The following EYS variants were observed in gnomAD, a reference collection of about 807,000 sequenced individuals.
EYS encodes the protein EGF-like photoreceptor maintenance factor.
EYS carries 250 observed loss-of-function variants against 282.1 expected under a neutral mutation model. That is an observed-to-expected ratio of 0.89 (90% CI 0.80 to 0.98). EYS has a LOEUF of 0.98. EYS is among the 50% of genes least tolerant of loss of function. EYS has a pLI of 0.00. For synonymous variants in EYS, 1,355 were observed against 1,282.9 expected, an observed-to-expected ratio of 1.06 and a Z score of -1.20; for missense variants, 4,016 against 3,709.0, an observed-to-expected ratio of 1.08 and a Z score of -2.15.
chr6:65,361,119 AC>A (rs11287544), intron 8 of EYS, among the ~76,000 whole-genome samples: 99,992 of 149,848 alleles, frequency 0.67, 33,352 homozygotes, highest in South Asian at 0.71. Flanking sequence ...GGACAAAAAA[AC>A]AAACACCGCA....
At chr6:64,984,824 A>G (rs1018272340) in intron 14 of EYS, among the ~76,000 whole-genome samples, 4 of 151,438 alleles carry the variant, frequency 2.6e-5, no homozygotes, top group African/African-American at 4.8e-5. Flanking sequence ...GCCTTACTGT[A>G]GCAAAATCAG....
At chr6:63,913,649 T>C (rs1007722862) in intron 35 of EYS, among the ~76,000 whole-genome samples, 4 of 152,276 alleles carry the variant, frequency 2.6e-5, no homozygotes, top group Non-Finnish European at 5.9e-5. Context: ...TGCTGTAGCA[T>C]GCATCAGTAC....
Position 64,987,139 on chromosome 6 carries a change from C to T in EYS, c.2259+10443G>A, listed in dbSNP as rs1347233081. On this transcript the variant is annotated intron_variant, in intron 14 of 42. Coordinates refer to ENST00000503581, the MANE Select transcript of EYS (RefSeq NM_001142800.2). Reference sequence around the variant, plus strand: ...TTCCCTTCAACTCCAGTTATTCTGGCGACAAGCAGCTTTTACTTGTATTTC... The same window carrying T: ...TTCCCTTCAACTCCAGTTATTCTGGTGACAAGCAGCTTTTACTTGTATTTC... Among the ~76,000 whole-genome samples, 5 of 151,522 alleles carry T rather than the reference C, an allele frequency of 3.3e-5. No individual in the cohort carries two copies. In the East Asian group the frequency reaches 7.8e-4, roughly 24 times the overall value.
intron 22 of EYS, among the ~76,000 whole-genome samples, chr6:64,627,828 C>T (rs1221864408): frequency 6.6e-6 from 1 of 152,110 alleles, no homozygotes; most frequent in Non-Finnish European, 1.5e-5. Flanking sequence ...GCCTGTAATC[C>T]CAGCATTTTG....
chr6:63,844,751 G>T (rs1245584172), intron 36 of EYS, among the ~76,000 whole-genome samples: 6 of 151,734 alleles, frequency 4.0e-5, no homozygotes, highest in Non-Finnish European at 5.9e-5. Flanking sequence ...TATAGATTCT[G>T]GATAATAGTC....
intron 26 of EYS, among the ~76,000 whole-genome samples, chr6:64,577,614 C>T (rs534921899): frequency 8.5e-5 from 13 of 152,072 alleles, no homozygotes; most frequent in Middle Eastern, 3.4e-3. Flanking sequence ...CTCAATTCAA[C>T]GTGAAGATAC....
rs547140762 is a variant in EYS at position 65,513,404 on chromosome 6, A to G, written c.-332-17411T>C. Among the ~76,000 whole-genome samples, 1,163 of 152,232 alleles carry G rather than the reference A, an allele frequency of 7.6e-3. 17 individuals are homozygous for G. The highest frequency in any genetic ancestry group is 0.025 in the African/African-American group (1,043 of 41,530). ...CATTCCTTCTGAAACTATTCCAATCAATAGAAAAAGAGGGAATCCTCCCTA... is the reference window on the plus strand; with the variant it reads ...CATTCCTTCTGAAACTATTCCAATCGATAGAAAAAGAGGGAATCCTCCCTA... On this transcript the variant is annotated intron_variant, in intron 2 of 42. Coordinates refer to ENST00000503581, the MANE Select transcript of EYS (RefSeq NM_001142800.2).
At chr6:64,154,485 C>T (rs1413099314) in intron 31 of EYS, among the ~76,000 whole-genome samples, 1 of 143,002 alleles carries the variant, frequency 7.0e-6, no homozygotes, top group African/African-American at 2.6e-5. Context: ...GGAGTTTCAA[C>T]TTTGTCTTTT....
At chr6:64,691,921 T>C (rs987747233) in intron 22 of EYS, among the ~76,000 whole-genome samples, 2 of 152,172 alleles carry the variant, frequency 1.3e-5, no homozygotes, top group Non-Finnish European at 2.9e-5. Context: ...CTGGATTGGT[T>C]TCACGTTTTT....
intron 34 of EYS, among the ~76,000 whole-genome samples, chr6:63,989,225 A>C (rs1451273025): frequency 6.6e-6 from 1 of 151,700 alleles, no homozygotes; most frequent in East Asian, 1.9e-4. Context: ...TTTAAGAGTC[A>C]TTACCATTTT....
At chr6:63,742,545 A>G (rs1769102583) in intron 41 of EYS, among the ~76,000 whole-genome samples, 1 of 152,106 alleles carries the variant, frequency 6.6e-6, no homozygotes, top group South Asian at 2.1e-4. Flanking sequence ...GTACATTTTG[A>G]TTCCTTTCTC....
intron 31 of EYS, among the ~76,000 whole-genome samples, chr6:64,085,119 AG>A (rs1191835657): frequency 1.3e-5 from 2 of 151,984 alleles, no homozygotes; most frequent in Non-Finnish European, 2.9e-5. Flanking sequence ...CTGGGATTAC[AG>A]GTGCATGCCA....
chr6:63,887,126 G>A (rs1773279078), intron 35 of EYS, among the ~76,000 whole-genome samples: 1 of 152,076 alleles, frequency 6.6e-6, no homozygotes, highest in Non-Finnish European at 1.5e-5. Context: ...GACAGCATCT[G>A]CAGGCATAAG....
intron 36 of EYS, among the ~76,000 whole-genome samples, chr6:63,850,229 T>C (rs1314726671): frequency 6.6e-6 from 1 of 152,108 alleles, no homozygotes. Flanking sequence ...ACAGAAAGAA[T>C]GGAACCAAGT....
intron 30 of EYS, among the ~76,000 whole-genome samples, chr6:64,232,478 C>T (rs1167187723): frequency 2.0e-5 from 3 of 152,178 alleles, no homozygotes; most frequent in Non-Finnish European, 2.9e-5. Context: ...CAGCCTCCAC[C>T]TCCCGGGTTC....
intron 22 of EYS, among the ~76,000 whole-genome samples, chr6:64,696,488 A>G (rs1770583706): frequency 6.6e-6 from 1 of 152,174 alleles, no homozygotes; most frequent in East Asian, 1.9e-4. Context: ...ACATCCAGAT[A>G]CAAGAGTCCC....
At chr6:65,673,133 C>T (rs113246855) in intron 1 of EYS, among the ~76,000 whole-genome samples, 2,077 of 152,112 alleles carry the variant, frequency 0.014, 38 homozygotes, top group Non-Finnish European at 0.018. Context: ...TGGCTTAGCT[C>T]GGATCAGAGG....
chr6:65,047,803 G>T (rs138083859), intron 13 of EYS, among the ~76,000 whole-genome samples: 1 of 151,988 alleles, frequency 6.6e-6, no homozygotes, highest in African/African-American at 2.4e-5. Context: ...GAAATAGAAT[G>T]AGGTCTTTTC....
chr6:65,483,951 T>A (rs1449358925), intron 5 of EYS, among the ~76,000 whole-genome samples: 2 of 152,102 alleles, frequency 1.3e-5, no homozygotes, highest in African/African-American at 2.4e-5. Context: ...ATGGGAAAGA[T>A]GTGCCCCCAT....
Sources: gnomAD v4.1 joint callset for allele counts (sites outside exome capture counted in the v4.1 genomes callset) on GRCh38, gnomAD v4.1.1 for gene constraint, MANE v1.5 for transcripts, NCBI Gene and HGNC (gene_info 2026-07-23, HGNC 2026-07-21) for gene names.